Variants in ABCA8 observed in about 807,000 individuals in gnomAD.
ABCA8 encodes ABC-type organic anion transporter ABCA8.
ABCA8 carries 177 observed loss-of-function variants against 192.3 expected under a neutral mutation model. The ratio of observed to expected loss-of-function variants is 0.92; its 90% CI spans 0.81 to 1.04. The LOEUF is 1.04. Among genes scored for constraint, ABCA8 ranks in the 50% least tolerant of loss-of-function variants. The pLI is 0.00. For synonymous variants in ABCA8, 642 were observed against 690.2 expected, an observed-to-expected ratio of 0.93 and a Z score of 1.09; for missense variants, 1,915 against 1,904.8, an observed-to-expected ratio of 1.01 and a Z score of -0.10.
Position 68,891,488 on chromosome 17 carries a change from C to T in ABCA8, c.3144+1G>A, listed in dbSNP as rs2066619811. ...TGGAAGTTGCAATTACTCATTATTA[C>T]CTTATAATCATCGATGCTGCTCATG... On this transcript the variant is annotated splice_donor_variant, in intron 24 of 39. Coordinates refer to ENST00000586539, the MANE Select transcript of ABCA8 (RefSeq NM_001288985.2). LOFTEE classifies it high-confidence loss of function. 2 of 1,606,170 alleles carry T rather than the reference C, an allele frequency of 1.2e-6. No individual in the cohort carries two copies. The highest frequency in any genetic ancestry group is 2.7e-5 in the African/African-American group (2 of 74,840).
At chr17:68,933,956 C>T (rs1312882942) in intron 5 of ABCA8, among the ~76,000 whole-genome samples, 3 of 152,018 alleles carry the variant, frequency 2.0e-5, no homozygotes, top group Non-Finnish European at 4.4e-5. Flanking sequence ...TACAAATTTG[C>T]AAAATAAATG....
chr17:68,907,129 A>G (rs2067088449), intron 18 of ABCA8, among the ~76,000 whole-genome samples: 1 of 152,164 alleles, frequency 6.6e-6, no homozygotes, highest in Non-Finnish European at 1.5e-5. Flanking sequence ...AATTACTGTT[A>G]AAAAGTACTA....
In ABCA8 at chr17:68,887,064, G is replaced by A. The variant is rs775895105; in HGVS notation, c.3382C>T (p.Arg1128Cys). The change falls in exon 26 of 40, where the codon CGC becomes TGC. Residue 1128 changes from arginine to cysteine, a missense_variant. By Grantham distance (180) the Arg-to-Cys change is radical. Coordinates refer to ENST00000586539, the MANE Select transcript of ABCA8 (RefSeq NM_001288985.2). Reference protein sequence around the residue: ...FMTYVISFIFRKGRKNSGIWS... With the variant: ...FMTYVISFIFCKGRKNSGIWS... ...ATGCCACTATTTTTTCTCCCCTTGC[G>A]AAAGATGAAGGAAATCACGTATGTC... The A allele has an allele frequency of 1.9e-5, 31 of 1,612,692 alleles. No individual in the cohort carries two copies. Among genetic ancestry groups the A allele is most frequent in the African/African-American group, 8.0e-5 (6 of 74,816 alleles).
chr17:68,876,700 T>C lies in ABCA8; in HGVS notation c.4203A>G (p.Leu1401=), dbSNP rs774387362. 16 of 1,613,964 alleles carry C rather than the reference T, an allele frequency of 9.9e-6. No homozygotes were observed. Among genetic ancestry groups the C allele is most frequent in the African/African-American group, 5.3e-5 (4 of 74,902 alleles). The change falls in exon 34 of 40, where the codon TTA becomes TTG. Residue 1401 remains leucine, a synonymous_variant. Transcript: ENST00000586539. ...KGDAEVAITR[L]VDALKLQDQL... is the part of the protein sequence containing the mutation. The stretch of plus-strand genomic sequence containing the variant: ...GGTCCTGCAGCTTGAGCGCATCCAC[T>C]AACCTGAAGGAAACAGGAGAGTCGT...
chr17:68,887,989 C>T (rs1170232003), intron 24 of ABCA8, among the ~76,000 whole-genome samples: 3 of 127,470 alleles, frequency 2.4e-5, no homozygotes, highest in South Asian at 2.4e-4. Context: ...TGGATATATA[C>T]ACACACACAC....
At chr17:68,878,755 T>A (rs1376609882) in intron 32 of ABCA8, 1 of 152,270 alleles carries the variant, frequency 6.6e-6, no homozygotes, top group African/African-American at 2.4e-5. Flanking sequence ...AGTTAAGGAC[T>A]AAATTAGAGT....
chr17:68,907,409 G>A (rs1156607225), intron 18 of ABCA8, among the ~76,000 whole-genome samples: 2 of 151,618 alleles, frequency 1.3e-5, no homozygotes, highest in Non-Finnish European at 2.9e-5. Flanking sequence ...CCACATCACA[G>A]GGCTGTTTAA....
At chr17:68,884,429 GTTTT>G (rs2066410387) in intron 27 of ABCA8, 33 bp from the exon 28 acceptor site, 1 of 1,549,352 alleles carries the variant, frequency 6.5e-7, no homozygotes. Context: ...TAAACAGGGA[GTTTT>G]TTGTTTCCTG....
At chr17:68,878,309 TG>T (rs1171457222) in intron 32 of ABCA8, 1 of 152,028 alleles carries the variant, frequency 6.6e-6, no homozygotes, top group African/African-American at 2.4e-5. Context: ...ATGCTAGTCA[TG>T]GAAAAAAAGG....
intron 26 of ABCA8, among the ~76,000 whole-genome samples, chr17:68,886,177 T>C (rs768802215): frequency 1.3e-5 from 2 of 152,240 alleles, no homozygotes; most frequent in Admixed American, 6.5e-5. Flanking sequence ...ATCATTTTTA[T>C]GGCTATCAAA....
At position 68,887,383 on chromosome 17, in the gene ABCA8, T is replaced by C; in HGVS notation, c.3268A>G (p.Ile1090Val). ...VFVFIYLMSY[I>V]SNFEDMLLTI... The stretch of plus-strand genomic sequence containing the variant: ...AGTAGCATGTCTTCGAAGTTTGAAA[T>C]GTAGCTCATTAAATATATAAAAACG... The change falls in exon 25 of 40, where the codon ATT becomes GTT. Residue 1090 changes from isoleucine to valine, a missense_variant. Ile to Val is a conservative substitution (Grantham distance 29). Transcript: ENST00000586539. 6.2e-7 allele frequency: 1 copy of C among 1,612,718 alleles called. No homozygotes were observed. Among genetic ancestry groups the C allele is most frequent in the Non-Finnish European group, 8.5e-7 (1 of 1,179,204 alleles).
At chr17:68,914,214 C>G (rs2067295976) in intron 17 of ABCA8, among the ~76,000 whole-genome samples, 1 of 151,612 alleles carries the variant, frequency 6.6e-6, no homozygotes, top group South Asian at 2.1e-4. Context: ...GGGGGAAAGC[C>G]TTTTTTCTAA....
intron 13 of ABCA8, 41 bp from the exon 14 acceptor site, chr17:68,919,517 A>T (rs748588234): frequency 5.4e-5 from 81 of 1,512,772 alleles, no homozygotes; most frequent in Non-Finnish European, 6.6e-5. Context: ...AAGGCTTAAG[A>T]TATTTCTTAA....
chr17:68,876,821 C>CG lies in ABCA8; in HGVS notation c.4200-119dup, dbSNP rs1383031988. 41 of 1,218,894 alleles carry CG rather than the reference C, an allele frequency of 3.4e-5. No homozygotes were observed. The Admixed American group carries it at 7.7e-4, about 23-fold the overall frequency. The allele number at this position is 1,218,894 out of a possible 1,614,324, so 75.5% of individuals were successfully genotyped here. A position where few individuals can be genotyped will look rare whatever the true frequency, so the allele number is the denominator to read the frequency against. ...ATGCAGTTCTGGAAATACATGTGGTCGGGGGGCAGGGAAGGAGGGGTGATA... is the reference window on the plus strand; with the variant it reads ...ATGCAGTTCTGGAAATACATGTGGTCGGGGGGGCAGGGAAGGAGGGGTGATA... On this transcript the variant is annotated intron_variant, in intron 33 of 39. Transcript: ENST00000586539.
chr17:68,902,612 T>G, intron 21 of ABCA8, 101 bp downstream of exon 21: 1 of 1,023,266 alleles, frequency 9.8e-7, no homozygotes, highest in Non-Finnish European at 1.4e-6. Flanking sequence ...TTTTAACACA[T>G]GCTGAATAAG....
At chr17:68,928,993 C>A in intron 9 of ABCA8, 56 bp downstream of exon 9, 1 of 1,317,782 alleles carries the variant, frequency 7.6e-7, no homozygotes, top group Non-Finnish European at 9.9e-7. Flanking sequence ...CCTATGGATT[C>A]CAGAGGGACA....
At chr17:68,920,889 A>G (rs2067514622) in intron 13 of ABCA8, among the ~76,000 whole-genome samples, 1 of 152,128 alleles carries the variant, frequency 6.6e-6, no homozygotes, top group Non-Finnish European at 1.5e-5. Flanking sequence ...TGCTATAAAG[A>G]CACATGCACA....
At chr17:68,952,022 ACTT>A (rs779871044) in intron 1 of ABCA8, among the ~76,000 whole-genome samples, 16 of 151,812 alleles carry the variant, frequency 1.1e-4, no homozygotes, top group Non-Finnish European at 1.9e-4. Context: ...CTCCTTCTTC[ACTT>A]CTTCTCCTGT....
chr17:68,876,336 T>C (rs142288980), intron 35 of ABCA8, 124 bp downstream of exon 35: 3 of 1,048,406 alleles, frequency 2.9e-6, no homozygotes, highest in Admixed American at 5.0e-5. Flanking sequence ...GTTTTACAAG[T>C]GACATTGATA....
Sources: gnomAD v4.1 joint callset for allele counts (sites outside exome capture counted in the v4.1 genomes callset) on GRCh38, gnomAD v4.1.1 for gene constraint, MANE v1.5 for transcripts, NCBI Gene and HGNC (gene_info 2026-07-23, HGNC 2026-07-21) for gene names.